Variants in MLIP observed in about 807,000 individuals in gnomAD.
MLIP encodes muscular LMNA-interacting protein.
MLIP carries 79 observed loss-of-function variants against 84.8 expected under a neutral mutation model. The ratio of observed to expected loss-of-function variants is 0.93; its 90% CI spans 0.78 to 1.12. The LOEUF (loss-of-function observed/expected upper bound fraction) is 1.12, where lower values mean the gene tolerates loss of function less well. Among genes scored for constraint, MLIP ranks in the 50% most tolerant of loss-of-function variants. MLIP has a pLI of 0.00. For synonymous variants in MLIP, 504 were observed against 463.0 expected (o/e 1.09, Z -1.14); for missense variants, 1,257 against 1,160.6 (o/e 1.08, Z -1.21).
intron 12 of MLIP, 130 bp from the exon 13 acceptor site, chr6:54,257,178 A>G: frequency 1.5e-6 from 1 of 661,000 alleles, no homozygotes; most frequent in East Asian, 2.7e-5. Flanking sequence ...TAGTGTTTAT[A>G]CTTGGTAGAA....
intron 1 of MLIP, among the ~76,000 whole-genome samples, chr6:54,105,573 A>T (rs1034949222): frequency 6.6e-6 from 1 of 152,228 alleles, no homozygotes; most frequent in African/African-American, 2.4e-5. Flanking sequence ...ATGGTGATTA[A>T]AATCCAATGA....
intron 1 of MLIP, among the ~76,000 whole-genome samples, chr6:54,055,341 A>G (rs1315141560): frequency 1.3e-5 from 2 of 152,308 alleles, no homozygotes; most frequent in East Asian, 1.9e-4. Flanking sequence ...GTTATATCAT[A>G]TATGTTTTCA....
upstream of MLIP, among the ~76,000 whole-genome samples, chr6:54,107,621 C>T (rs1769112279): frequency 6.6e-6 from 1 of 152,204 alleles, no homozygotes; most frequent in Non-Finnish European, 1.5e-5. Flanking sequence ...TCCCCGAAAA[C>T]AACCTGACAT....
chr6:54,163,812 G>T lies in MLIP; in HGVS notation c.2499+3013G>T, dbSNP rs577079197. On this transcript the variant is annotated intron_variant, in intron 8 of 13. Coordinates refer to ENST00000502396, the MANE Select transcript of MLIP (RefSeq NM_001281747.2). ...TTCAAAGCTTTTTCCTGGATTTATT[G>T]TTTTTCCTGTTGGAATCTTGCTTCA... is the stretch of plus-strand genomic sequence containing the variant. Among the ~76,000 whole-genome samples, 677 of 151,846 alleles carry T rather than the reference G, an allele frequency of 4.5e-3. 4 individuals carry two copies. Among genetic ancestry groups the T allele is most frequent in the South Asian group, 0.017 (81 of 4,824 alleles).
chr6:54,240,112 C>G (rs1318379476), intron 12 of MLIP, among the ~76,000 whole-genome samples: 2 of 152,174 alleles, frequency 1.3e-5, no homozygotes, highest in African/African-American at 4.8e-5. Context: ...CTTTAACTTT[C>G]TTACCTGTGA....
chr6:54,175,737 A>G (rs1562018001), intron 9 of MLIP, among the ~76,000 whole-genome samples: 1 of 151,652 alleles, frequency 6.6e-6, no homozygotes, highest in African/African-American at 2.4e-5. Flanking sequence ...GGTGCCCTTT[A>G]TTTTTTCTCT....
At chr6:54,102,924 T>C (rs1768758896) in intron 1 of MLIP, among the ~76,000 whole-genome samples, 1 of 152,142 alleles carries the variant, frequency 6.6e-6, no homozygotes, top group African/African-American at 2.4e-5. Flanking sequence ...AACAGGAGGT[T>C]GTATCTAACC....
At chr6:54,112,676 T>C (rs1013250689) in intron 1 of MLIP, among the ~76,000 whole-genome samples, 1 of 148,594 alleles carries the variant, frequency 6.7e-6, no homozygotes, top group African/African-American at 2.5e-5. Flanking sequence ...TAAAAAAAAA[T>C]TGTTTCCTTA....
intron 11 of MLIP, chr6:54,215,081 T>G: frequency 7.6e-7 from 1 of 1,315,012 alleles, no homozygotes; most frequent in Non-Finnish European, 1.1e-6. Flanking sequence ...TGCTCCTATT[T>G]GTAACCTTTT....
Position 54,167,497 on chromosome 6 carries a change from A to G in MLIP, c.2500-2031A>G, listed in dbSNP as rs185218599. Among the ~76,000 whole-genome samples the G allele has an allele frequency of 6.6e-5, 10 of 152,022 alleles. No homozygotes were observed. In the East Asian group the frequency reaches 1.9e-3, roughly 30 times the overall value. ...AACCTTTATCTCCAAAATCATGGTT[A>G]AGTATGGTTGTTTTCAGTCTGGTTC... On this transcript the variant is annotated intron_variant, in intron 8 of 13. Transcript: ENST00000502396.
rs188343735 is a variant in MLIP at position 54,051,356 on chromosome 6, T to C, written c.63+32265T>C. ...TTTAATTTAAATATGCCACTTCAAA[T>C]ATTAATTTTTTCTTTTATTTTTCCT... On this transcript the variant is annotated intron_variant, in intron 1 of 12. Coordinates refer to the MLIP transcript ENST00000274897. 1.2e-4 allele frequency among the ~76,000 whole-genome samples: 19 copies of C among 152,182 alleles called. No individual in the cohort carries two copies. In the East Asian group the frequency reaches 3.7e-3, roughly 29 times the overall value.
chr6:54,121,414 G>C, intron 1 of MLIP, 33 bp from the exon 2 acceptor site: 1 of 1,608,136 alleles, frequency 6.2e-7, no homozygotes. Context: ...CCTTTGACAA[G>C]GCTGAAAGTC....
chr6:54,191,646 A>T (rs1777928349), intron 10 of MLIP, among the ~76,000 whole-genome samples: 1 of 152,208 alleles, frequency 6.6e-6, no homozygotes, highest in Non-Finnish European at 1.5e-5. Context: ...GTACTTTCCA[A>T]GCCCTTCCAG....
At chr6:54,045,722 C>T (rs975420913) in intron 1 of MLIP, 6 of 152,304 alleles carry the variant, frequency 3.9e-5, no homozygotes, top group South Asian at 2.1e-4. Flanking sequence ...TCCCACTTTA[C>T]GCTCTTCCTA....
chr6:54,185,118 C>T (rs945486195), intron 9 of MLIP, among the ~76,000 whole-genome samples: 5 of 152,140 alleles, frequency 3.3e-5, no homozygotes, highest in African/African-American at 1.2e-4. Context: ...ATAATTGCTA[C>T]AATATTGATG....
intron 11 of MLIP, among the ~76,000 whole-genome samples, chr6:54,208,430 T>G (rs1779193412): frequency 6.7e-6 from 1 of 150,012 alleles, no homozygotes; most frequent in South Asian, 2.1e-4. Context: ...TACAAAAAAT[T>G]TAAAAATCAG....
At chr6:54,107,801 G>A (rs1769125672), upstream of MLIP, among the ~76,000 whole-genome samples, 1 of 152,092 alleles carries the variant, frequency 6.6e-6, no homozygotes, top group African/African-American at 2.4e-5. Flanking sequence ...ATCGTGACTG[G>A]CACTCAATAG....
chr6:54,049,596 T>C (rs1424037210), intron 1 of MLIP, among the ~76,000 whole-genome samples: 1 of 152,158 alleles, frequency 6.6e-6, no homozygotes, highest in South Asian at 2.1e-4. Context: ...TCAGGCATAA[T>C]TAAGATACAG....
chr6:54,257,616 G>A (rs1279239194), intron 13 of MLIP, among the ~76,000 whole-genome samples: 1 of 152,010 alleles, frequency 6.6e-6, no homozygotes, highest in Non-Finnish European at 1.5e-5. Context: ...CCTACCCCAA[G>A]TGCCTGTCTT....
Sources: gnomAD v4.1 joint callset for allele counts (sites outside exome capture counted in the v4.1 genomes callset) on GRCh38, gnomAD v4.1.1 for gene constraint, MANE v1.5 for transcripts, NCBI Gene and HGNC (gene_info 2026-07-23, HGNC 2026-07-21) for gene names.